MYPN: variants seen among roughly 807,000 people sequenced by gnomAD.
The protein encoded by MYPN is myopalladin.
MYPN carries 63 observed loss-of-function variants against 129.4 expected under a neutral mutation model. That is an observed-to-expected ratio of 0.49 (90% CI 0.40 to 0.60). MYPN has a LOEUF of 0.60. Among genes scored for constraint, MYPN ranks in the 20% least tolerant of loss-of-function variants. MYPN has a pLI of 0.00. For synonymous variants in MYPN, 629 were observed against 600.9 expected, an observed-to-expected ratio of 1.05 and a Z score of -0.68; for missense variants, 1,596 against 1,635.4, an observed-to-expected ratio of 0.98 and a Z score of 0.42.
In MYPN at chr10:68,201,847, C is replaced by A. The variant is rs2043718976; in HGVS notation, c.3512C>A (p.Ala1171Glu). The A allele has an allele frequency of 1.2e-6, 2 of 1,613,896 alleles. No individual in the cohort carries two copies. The highest frequency in any genetic ancestry group is 4.5e-5 in the East Asian group (2 of 44,870). ...TGCTCAGCCAAAGAGGTGAAGAAAG[C>A]ACCTGTGATCCTGGAGAAACTACAG... ...LSVVAKEVKK[A>E]PVILEKLQNC... Residue 1171 changes from alanine (A) to glutamate (E), a missense_variant, in exon 18 of 20, where the codon GCA becomes GAA. By Grantham distance (107) the Ala-to-Glu change is moderately radical. Transcript: ENST00000358913.
intron 12 of MYPN, among the ~76,000 whole-genome samples, chr10:68,183,198 C>T (rs1254589781): frequency 1.3e-5 from 2 of 152,176 alleles, no homozygotes; most frequent in African/African-American, 2.4e-5. Flanking sequence ...CGGTGACTCA[C>T]GCCTGTAATC....
intron 1 of MYPN, among the ~76,000 whole-genome samples, chr10:68,113,998 C>A (rs2042117903): frequency 6.6e-6 from 1 of 152,156 alleles, no homozygotes; most frequent in Non-Finnish European, 1.5e-5. Flanking sequence ...TAATTTATTC[C>A]TTCTCCTGTG....
intron 5 of MYPN, among the ~76,000 whole-genome samples, chr10:68,149,001 G>C (rs1334414653): frequency 6.6e-6 from 1 of 152,168 alleles, no homozygotes; most frequent in Non-Finnish European, 1.5e-5. Flanking sequence ...CAAGGTGGGA[G>C]GATTGCTTGA....
At chr10:68,136,996 T>G (rs1375532159) in intron 2 of MYPN, among the ~76,000 whole-genome samples, 2 of 152,178 alleles carry the variant, frequency 1.3e-5, no homozygotes, top group African/African-American at 2.4e-5. Context: ...TAAAAATCAG[T>G]GAGGCCCAAA....
chr10:68,130,342 C>T (rs2042390877), intron 2 of MYPN, among the ~76,000 whole-genome samples: 1 of 151,962 alleles, frequency 6.6e-6, no homozygotes, highest in Non-Finnish European at 1.5e-5. Context: ...CACCTGTAAT[C>T]CCAGCTACTC....
Position 68,158,535 on chromosome 10 carries a change from G to A in MYPN, c.1367G>A (p.Cys456Tyr), listed in dbSNP as rs1242508152. The A allele has an allele frequency of 6.2e-7, 1 of 1,613,882 alleles. No homozygotes were observed. The highest frequency in any genetic ancestry group is 1.7e-5 in the Admixed American group (1 of 60,022). ...ASEGQLVVFE[C>Y]RVKGAPSPKV... ...GAGGGTCAGCTGGTTGTCTTTGAAT[G>A]CAGAGTAAAAGGAGCTCCATCTCCT... The change falls in exon 7 of 20, where the codon TGC becomes TAC. Residue 456 changes from cysteine to tyrosine, a missense_variant. Cys to Tyr is a radical substitution (Grantham distance 194). Transcript: ENST00000358913.
intron 19 of MYPN, among the ~76,000 whole-genome samples, chr10:68,210,053 T>C (rs1344866205): frequency 6.6e-6 from 1 of 152,182 alleles, no homozygotes; most frequent in Non-Finnish European, 1.5e-5. Flanking sequence ...TGAATTAGAA[T>C]CACAGATTTT....
chr10:68,192,468 G>GT (rs368705390), intron 13 of MYPN, among the ~76,000 whole-genome samples: 1 of 151,328 alleles, frequency 6.6e-6, no homozygotes, highest in Non-Finnish European at 1.5e-5. Context: ...TGTTGTTGTT[G>GT]TTGCTGTTGT....
Position 68,112,041 on chromosome 10 carries a change from T to C in MYPN, c.-2+2318T>C, listed in dbSNP as rs557351938. On this transcript the variant is annotated intron_variant, in intron 1 of 19. Transcript: ENST00000358913. ...GCATTTAAAAAATAAATATTTGAGTTGATAGGGATTGACGAAGTTTTCCCA... is the reference window on the plus strand; with the variant it reads ...GCATTTAAAAAATAAATATTTGAGTCGATAGGGATTGACGAAGTTTTCCCA... Among the ~76,000 whole-genome samples the C allele has an allele frequency of 7.0e-4, 106 of 152,380 alleles. 1 individual carries two copies. The highest frequency in any genetic ancestry group is 3.4e-3 in the Middle Eastern group (1 of 294).
At chr10:68,209,956 G>A (rs1265258905) in intron 19 of MYPN, among the ~76,000 whole-genome samples, 2 of 152,050 alleles carry the variant, frequency 1.3e-5, no homozygotes, top group Non-Finnish European at 2.9e-5. Flanking sequence ...GCCTCCCAAA[G>A]TGCTGGGATT....
chr10:68,204,370 C>A lies in MYPN; in HGVS notation c.3659+2376C>A, dbSNP rs181267930. Among the ~76,000 whole-genome samples the A allele has an allele frequency of 9.2e-5, 14 of 152,320 alleles. No individual in the cohort carries two copies. The East Asian group carries it at 2.1e-3, about 23-fold the overall frequency. ...AATAGCACCCTAATGTGTCTCTCTG[C>A]GGCCAGGCTCAAGCCCTATTCAATA... On this transcript the variant is annotated intron_variant, in intron 18 of 19. Coordinates refer to ENST00000358913, the MANE Select transcript of MYPN (RefSeq NM_032578.4).
Position 68,164,161 on chromosome 10 carries a change from A to T in MYPN, c.1484-1541A>T, listed in dbSNP as rs549224659. Among the ~76,000 whole-genome samples, 6 of 152,286 alleles carry T rather than the reference A, an allele frequency of 3.9e-5. No individual in the cohort carries two copies. In the East Asian group the frequency reaches 1.2e-3, roughly 29 times the overall value. On this transcript the variant is annotated intron_variant, in intron 8 of 19. Coordinates refer to ENST00000358913, the MANE Select transcript of MYPN (RefSeq NM_032578.4). ...GAAACTGGGTGATTTTTAATAAAGA[A>T]CAGGGATTTATTTCTTACAGTTCTG...
chr10:68,163,746 A>G (rs999122016), intron 8 of MYPN, among the ~76,000 whole-genome samples: 7 of 152,256 alleles, frequency 4.6e-5, no homozygotes, highest in Non-Finnish European at 4.4e-5. Flanking sequence ...CTATAGGAAC[A>G]AGGGGATGCA....
upstream of MYPN, among the ~76,000 whole-genome samples, chr10:68,101,544 T>A (rs1282028496): frequency 1.3e-5 from 2 of 152,226 alleles, no homozygotes; most frequent in Admixed American, 1.3e-4. Context: ...ATATTAAGAT[T>A]ACTACACCAA....
chr10:68,142,385 C>G (rs561297803), intron 2 of MYPN, among the ~76,000 whole-genome samples: 1 of 152,198 alleles, frequency 6.6e-6, no homozygotes, highest in East Asian at 1.9e-4. Flanking sequence ...ATATCATAAC[C>G]TACAGAAACA....
At chr10:68,177,448 G>T (rs749827157) in intron 12 of MYPN, among the ~76,000 whole-genome samples, 1 of 152,146 alleles carries the variant, frequency 6.6e-6, no homozygotes, top group Non-Finnish European at 1.5e-5. Flanking sequence ...AATGAAATTT[G>T]GGAAACTGGG....
At position 68,166,321 on chromosome 10, in the gene MYPN, C is replaced by T; in HGVS notation, c.1628C>T (p.Ser543Phe). 6.2e-7 allele frequency: 1 copy of T among 1,614,084 alleles called. No homozygotes were observed. The highest frequency in any genetic ancestry group is 8.5e-7 in the Non-Finnish European group (1 of 1,180,030). The part of the protein sequence containing the change: ...RGNEDLSNNG[S>F]LHSANSTTNL... ...AATGAGGACCTCAGCAACAACGGGT[C>T]TCTTCACTCAGCCAACTCTACCACC... Residue 543 changes from serine (S) to phenylalanine (F), a missense_variant, in exon 10 of 20, where the codon TCT becomes TTT. By Grantham distance (155) the Ser-to-Phe change is radical. Coordinates refer to ENST00000358913, the MANE Select transcript of MYPN (RefSeq NM_032578.4).
At chr10:68,136,630 A>G in intron 2 of MYPN, 1 of 1,532,830 alleles carries the variant, frequency 6.5e-7, no homozygotes. Flanking sequence ...CCATCTGAGT[A>G]AGGACAAAAA....
chr10:68,192,988 G>T (rs947106723), intron 13 of MYPN, among the ~76,000 whole-genome samples: 2 of 151,140 alleles, frequency 1.3e-5, no homozygotes, highest in Non-Finnish European at 3.0e-5. Flanking sequence ...TTGTATTTTT[G>T]GTCTTTTGCA....
Sources: allele counts gnomAD v4.1 joint callset (sites outside exome capture counted in the v4.1 genomes callset), GRCh38; gene constraint gnomAD v4.1.1; transcripts MANE v1.5; gene names NCBI Gene and HGNC (gene_info 2026-07-23, HGNC 2026-07-21).